BICC1: variants seen among roughly 807,000 people sequenced by gnomAD.
BICC1 encodes protein bicaudal C homolog 1.
In BICC1, 43 loss-of-function variants were observed where a neutral mutation model predicts 111.0. That is an observed-to-expected ratio of 0.39 (90% CI 0.30 to 0.50). The LOEUF is 0.50. Ranked by LOEUF, BICC1 falls within the 20% of genes least tolerant of loss-of-function variation. The pLI is 0.88. For missense variants in BICC1, 1,091 were observed against 1,203.2 expected, an observed-to-expected ratio of 0.91 and a Z score of 1.38; for synonymous variants, 467 against 434.4, an observed-to-expected ratio of 1.07 and a Z score of -0.93.
chr10:58,769,141 G>A (rs1842540178), intron 3 of BICC1, among the ~76,000 whole-genome samples: 1 of 151,852 alleles, frequency 6.6e-6, no homozygotes, highest in Non-Finnish European at 1.5e-5. Flanking sequence ...TGAGTGTGAG[G>A]ACAATGGGGA....
At chr10:58,695,834 A>T (rs530635068) in intron 2 of BICC1, among the ~76,000 whole-genome samples, 18 of 152,210 alleles carry the variant, frequency 1.2e-4, no homozygotes, top group African/African-American at 3.9e-4. Context: ...GATGAGATAA[A>T]TCTATTATGA....
At chr10:58,523,156 A>G (rs1842437716) in intron 1 of BICC1, among the ~76,000 whole-genome samples, 1 of 152,200 alleles carries the variant, frequency 6.6e-6, no homozygotes, top group South Asian at 2.1e-4. Context: ...TCCTTCTGAA[A>G]CTATTCCAAT....
intron 2 of BICC1, 65 bp downstream of exon 2, chr10:58,620,966 C>T: frequency 2.1e-6 from 3 of 1,431,960 alleles, no homozygotes; most frequent in South Asian, 2.4e-5. Context: ...TCAACAGCTA[C>T]CCTAGAAGCC....
chr10:58,599,911 C>G (rs1844969613), intron 1 of BICC1, among the ~76,000 whole-genome samples: 1 of 141,640 alleles, frequency 7.1e-6, no homozygotes, highest in Non-Finnish European at 1.5e-5. Flanking sequence ...TTGTCTTTCA[C>G]AAAATCTAAC....
chr10:58,651,181 G>A (rs1339301654), intron 2 of BICC1, among the ~76,000 whole-genome samples: 1 of 152,186 alleles, frequency 6.6e-6, no homozygotes, highest in Non-Finnish European at 1.5e-5. Flanking sequence ...TCTTCTCTAA[G>A]GGAGATTTTG....
intron 1 of BICC1, among the ~76,000 whole-genome samples, chr10:58,546,250 C>G (rs1843134797): frequency 6.6e-6 from 1 of 152,004 alleles, no homozygotes; most frequent in African/African-American, 2.4e-5. Flanking sequence ...GTAAAGTGGC[C>G]TGGGATACTG....
chr10:58,644,683 G>A lies in BICC1; in HGVS notation c.237+23782G>A, dbSNP rs187075713. Among the ~76,000 whole-genome samples the A allele has an allele frequency of 4.9e-4, 75 of 152,110 alleles. No homozygotes were observed. In the East Asian group the frequency reaches 9.3e-3, roughly 19 times the overall value. On this transcript the variant is annotated intron_variant, in intron 2 of 20. Coordinates refer to ENST00000373886, the MANE Select transcript of BICC1 (RefSeq NM_001080512.3). Reference sequence around the variant, plus strand: ...AACTTTTTAAATGTTCTTAAGCTTCGAAAATTGAATTGAATTTAATTTGGC... The same window carrying A: ...AACTTTTTAAATGTTCTTAAGCTTCAAAAATTGAATTGAATTTAATTTGGC...
chr10:58,801,961 G>A (rs1410500514), intron 14 of BICC1, among the ~76,000 whole-genome samples: 1 of 152,174 alleles, frequency 6.6e-6, no homozygotes, highest in East Asian at 1.9e-4. Context: ...TCATCACTGA[G>A]TATGTCCTGA....
rs183684271 is a variant in BICC1, at chr10:58,618,298, G to A, written c.191-2557G>A. ...CAAGAATAGGCCAAGGCAGACATCC[G>A]GTCTTGCATGTGAGTCTGGAGTTTG... On this transcript the variant is annotated intron_variant, in intron 1 of 20. Transcript: ENST00000373886. 1.2e-4 allele frequency among the ~76,000 whole-genome samples: 19 copies of A among 152,332 alleles called. No individual in the cohort carries two copies. In the East Asian group the frequency reaches 1.9e-3, roughly 15 times the overall value.
intron 1 of BICC1, among the ~76,000 whole-genome samples, chr10:58,616,516 T>C (rs2132123362): frequency 6.6e-6 from 1 of 152,168 alleles, no homozygotes; most frequent in East Asian, 1.9e-4. Flanking sequence ...TTCTGTATGA[T>C]GAGGGAACTG....
chr10:58,674,690 C>T (rs538684374), intron 2 of BICC1, among the ~76,000 whole-genome samples: 6 of 152,228 alleles, frequency 3.9e-5, no homozygotes, highest in South Asian at 2.1e-4. Context: ...GGAGAGATTA[C>T]GGGAATCTTG....
At chr10:58,574,791 C>T (rs979815324) in intron 1 of BICC1, among the ~76,000 whole-genome samples, 5 of 151,994 alleles carry the variant, frequency 3.3e-5, no homozygotes, top group African/African-American at 4.8e-5. Context: ...TTTTCTAAGA[C>T]AAAAAATTCA....
In BICC1 at chr10:58,782,415, A is replaced by C. The variant is rs1303270293; in HGVS notation, c.308-2586A>C. On this transcript the variant is annotated intron_variant, in intron 3 of 20. Coordinates refer to ENST00000373886, the MANE Select transcript of BICC1 (RefSeq NM_001080512.3). ...ACCAATACATAAATGACTACAATTGAAATATCTATGTGGTTCAATCTGCTG... is the reference window on the plus strand; with the variant it reads ...ACCAATACATAAATGACTACAATTGCAATATCTATGTGGTTCAATCTGCTG... Among the ~76,000 whole-genome samples, 11 of 152,324 alleles carry C rather than the reference A, an allele frequency of 7.2e-5. No individual in the cohort carries two copies. The East Asian group carries it at 1.9e-3, about 27-fold the overall frequency.
intron 5 of BICC1, 109 bp downstream of exon 5, chr10:58,787,190 T>C (rs1589137329): frequency 2.0e-6 from 2 of 987,308 alleles, no homozygotes; most frequent in African/African-American, 1.7e-5. Context: ...AAAAATCACA[T>C]AGATGACATA....
chr10:58,605,243 TAA>T (rs969097131), intron 1 of BICC1, among the ~76,000 whole-genome samples: 11 of 152,232 alleles, frequency 7.2e-5, no homozygotes, highest in African/African-American at 2.6e-4. Flanking sequence ...TGAAATAGTA[TAA>T]AAAGACTTAT....
intron 2 of BICC1, among the ~76,000 whole-genome samples, chr10:58,677,005 C>T (rs1026553559): frequency 1.1e-4 from 17 of 152,088 alleles, no homozygotes; most frequent in Admixed American, 9.2e-4. Context: ...GTAGCCTCAA[C>T]GTCAACAAAA....
intron 1 of BICC1, among the ~76,000 whole-genome samples, chr10:58,613,329 T>C (rs1202168392): frequency 6.6e-6 from 1 of 152,178 alleles, no homozygotes; most frequent in Non-Finnish European, 1.5e-5. Context: ...TGCTAAATCA[T>C]TATATCTGTG....
intron 2 of BICC1, among the ~76,000 whole-genome samples, chr10:58,697,544 C>A (rs150650612): frequency 6.6e-6 from 1 of 152,166 alleles, no homozygotes; most frequent in Non-Finnish European, 1.5e-5. Flanking sequence ...TTCTTCTCAG[C>A]GGTTTTGTAG....
chr10:58,580,421 A>T (rs975791082), intron 1 of BICC1, among the ~76,000 whole-genome samples: 10 of 152,148 alleles, frequency 6.6e-5, no homozygotes, highest in Non-Finnish European at 1.2e-4. Context: ...TGCTGACATG[A>T]TGCTCAAAGG....
Sources: gnomAD v4.1 joint callset for allele counts (sites outside exome capture counted in the v4.1 genomes callset) on GRCh38, gnomAD v4.1.1 for gene constraint, MANE v1.5 for transcripts, NCBI Gene and HGNC (gene_info 2026-07-23, HGNC 2026-07-21) for gene names.